Variants in COL19A1 observed in about 807,000 individuals in gnomAD.
COL19A1 encodes collagen alpha-1(XIX) chain.
A neutral mutation model predicts 190.2 loss-of-function variants in COL19A1; 159 were observed. The ratio of observed to expected loss-of-function variants is 0.84; its 90% CI spans 0.73 to 0.95. The LOEUF is 0.95. Among genes scored for constraint, COL19A1 ranks in the 40% least tolerant of loss-of-function variants. The pLI is 0.00. For synonymous variants in COL19A1, 509 were observed against 458.9 expected (o/e 1.11, Z -1.39); for missense variants, 1,418 against 1,431.9 (o/e 0.99, Z 0.16).
Position 70,089,858 on chromosome 6 carries a change from T to A in COL19A1, c.1225-12311T>A, listed in dbSNP as rs185114089. Among the ~76,000 whole-genome samples, 3 of 152,252 alleles carry A rather than the reference T, an allele frequency of 2.0e-5. No individual in the cohort carries two copies. The East Asian group carries it at 5.8e-4, about 29-fold the overall frequency. ...AGTTTATAATGAAGGATGAAATAGA[T>A]CTCACTTCCTTATACTGTATATCTT... is the stretch of plus-strand genomic sequence containing the variant. On this transcript the variant is annotated intron_variant, in intron 15 of 50. Coordinates refer to ENST00000620364, the MANE Select transcript of COL19A1 (RefSeq NM_001858.6).
chr6:70,032,994 C>T (rs1779154412), intron 12 of COL19A1, among the ~76,000 whole-genome samples: 1 of 152,098 alleles, frequency 6.6e-6, no homozygotes, highest in African/African-American at 2.4e-5. Flanking sequence ...TACTGTATCA[C>T]ATCTCAAATA....
intron 40 of COL19A1, among the ~76,000 whole-genome samples, chr6:70,170,698 CT>C (rs555581077): frequency 4.7e-5 from 7 of 149,354 alleles, no homozygotes; most frequent in East Asian, 2.0e-4. Flanking sequence ...AGAATCTGAA[CT>C]TTTTTTTTTG....
chr6:69,896,248 G>T (rs1214252401), intron 2 of COL19A1, among the ~76,000 whole-genome samples: 2 of 152,154 alleles, frequency 1.3e-5, no homozygotes, highest in South Asian at 2.1e-4. Context: ...AGTAAATACT[G>T]CCAAACAGGC....
chr6:69,959,803 C>T (rs1774658881), intron 9 of COL19A1, among the ~76,000 whole-genome samples, 193 bp from the exon 10 acceptor site: 1 of 152,122 alleles, frequency 6.6e-6, no homozygotes, highest in African/African-American at 2.4e-5. Flanking sequence ...CTCCATTTCC[C>T]TATTTTAAAA....
At chr6:70,147,699 A>C (rs1786756616) in intron 27 of COL19A1, among the ~76,000 whole-genome samples, 1 of 152,036 alleles carries the variant, frequency 6.6e-6, no homozygotes, top group Non-Finnish European at 1.5e-5. Flanking sequence ...CATCAACTGA[A>C]TGTTCTATTA....
intron 16 of COL19A1, among the ~76,000 whole-genome samples, chr6:70,107,155 C>T (rs957763399): frequency 1.3e-5 from 2 of 152,158 alleles, no homozygotes; most frequent in African/African-American, 2.4e-5. Flanking sequence ...AGGAACTGAT[C>T]CCTAAACCTT....
intron 11 of COL19A1, among the ~76,000 whole-genome samples, chr6:69,964,907 A>G (rs1480680606): frequency 6.6e-6 from 1 of 152,198 alleles, no homozygotes; most frequent in Non-Finnish European, 1.5e-5. Context: ...TATTTACTGT[A>G]TATTAAATTT....
intron 2 of COL19A1, among the ~76,000 whole-genome samples, chr6:69,889,745 C>T (rs185162767): frequency 6.2e-4 from 95 of 152,330 alleles, no homozygotes; most frequent in African/African-American, 2.1e-3. Context: ...ATTGTAAACA[C>T]ACCAATCAGC....
intron 15 of COL19A1, among the ~76,000 whole-genome samples, chr6:70,070,441 G>T (rs574728718): frequency 1.3e-5 from 2 of 152,094 alleles, no homozygotes; most frequent in East Asian, 3.9e-4. Context: ...AAATGTAATA[G>T]AACTTATAGA....
At chr6:70,089,983 A>T (rs1042090462) in intron 15 of COL19A1, among the ~76,000 whole-genome samples, 1 of 152,092 alleles carries the variant, frequency 6.6e-6, no homozygotes, top group Admixed American at 6.6e-5. Flanking sequence ...AATATTTTTT[A>T]GCCTGGGCAA....
At chr6:70,000,179 C>T (rs1366907631) in intron 11 of COL19A1, among the ~76,000 whole-genome samples, 1 of 152,154 alleles carries the variant, frequency 6.6e-6, no homozygotes, top group Non-Finnish European at 1.5e-5. Context: ...TCATCCATGT[C>T]CCTGCAAAGG....
intron 2 of COL19A1, among the ~76,000 whole-genome samples, chr6:69,884,604 G>A (rs182783354): frequency 1.3e-5 from 2 of 152,192 alleles, no homozygotes; most frequent in Admixed American, 6.5e-5. Flanking sequence ...ATGTATTTAA[G>A]AAGCAATGTT....
rs374027562 is a variant in COL19A1, at chr6:70,161,940, C to T, written c.2333C>T (p.Pro778Leu). The change falls in exon 35 of 51, where the codon CCG becomes CTG. Residue 778 changes from proline (P) to leucine (L), a missense_variant. Pro to Leu is a moderately conservative substitution (Grantham distance 98). Coordinates refer to ENST00000620364, the MANE Select transcript of COL19A1 (RefSeq NM_001858.6). ...GIPGIPGAPG[P>L]TGPPGLMGRT... ...CCAGGCATTCCAGGTGCTCCAGGCC[C>T]GACTGGACCCCCTGTAAGTATTTGT... 35 of 1,604,432 alleles carry T rather than the reference C, an allele frequency of 2.2e-5. No homozygotes were observed. The highest frequency in any genetic ancestry group is 1.7e-4 in the Middle Eastern group (1 of 6,028).
intron 14 of COL19A1, among the ~76,000 whole-genome samples, chr6:70,052,444 G>A (rs1359527819): frequency 1.3e-5 from 2 of 152,172 alleles, no homozygotes; most frequent in Non-Finnish European, 2.9e-5. Context: ...ATTAGCAAAT[G>A]TTGCTCTTTT....
In COL19A1 at chr6:69,998,590, A is replaced by G. The variant is rs532163383; in HGVS notation, c.1027-25037A>G. Reference sequence around the variant, plus strand: ...GAACCGGGAAGTGGACGTTGCAGTAAGCCGAGATCACTCCACTGCACTCTA... The same window carrying G: ...GAACCGGGAAGTGGACGTTGCAGTAGGCCGAGATCACTCCACTGCACTCTA... On this transcript the variant is annotated intron_variant, in intron 11 of 50. Transcript: ENST00000620364. Among the ~76,000 whole-genome samples the G allele has an allele frequency of 2.4e-4, 36 of 150,428 alleles. 1 individual carries two copies. The highest frequency in any genetic ancestry group is 7.9e-4 in the African/African-American group (32 of 40,620).
chr6:70,141,899 C>A lies in COL19A1; in HGVS notation c.1489C>A (p.Pro497Thr). The A allele has an allele frequency of 1.9e-6, 3 of 1,590,102 alleles. No individual in the cohort carries two copies. Among genetic ancestry groups the A allele is most frequent in the South Asian group, 1.1e-5 (1 of 90,546 alleles). The change falls in exon 21 of 51, where the codon CCT becomes ACT. Residue 497 changes from proline to threonine, a missense_variant. Pro to Thr is a conservative substitution (Grantham distance 38). Coordinates refer to ENST00000620364, the MANE Select transcript of COL19A1 (RefSeq NM_001858.6). ...GTAATTATTTTATTTACAGGGAGAA[C>A]CTGGGGTAATAGGATCACAGGGAGT... ...TKGEKGDRGE[P>T]GVIGSQGVKG...
At chr6:70,038,466 C>G (rs1779470237) in intron 14 of COL19A1, among the ~76,000 whole-genome samples, 1 of 152,186 alleles carries the variant, frequency 6.6e-6, no homozygotes, top group Non-Finnish European at 1.5e-5. Context: ...AGTCCAACTT[C>G]CATTTGAAAT....
chr6:70,024,602 TGTGTGTGTGTGTGG>T, intron 12 of COL19A1, among the ~76,000 whole-genome samples: 1 of 150,438 alleles, frequency 6.6e-6, no homozygotes, highest in South Asian at 2.1e-4. Flanking sequence ...TGTGTGTGTG[TGTGTGTGTGTGTGG>T]GTGTGTGGGT....
Position 69,900,315 on chromosome 6 carries a change from T to G in COL19A1, c.243T>G (p.Ser81Arg), listed in dbSNP as rs143814734. The G allele has an allele frequency of 1.2e-4, 186 of 1,585,578 alleles. No individual in the cohort carries two copies. The highest frequency in any genetic ancestry group is 1.6e-4 in the Non-Finnish European group (184 of 1,164,842). The change falls in exon 4 of 51, where the codon AGT becomes AGG. Residue 81 changes from serine to arginine, a missense_variant. Physicochemically the swap from Ser to Arg is moderately radical, Grantham distance 110 (BLOSUM62 -1). Transcript: ENST00000620364. The stretch of plus-strand genomic sequence containing the variant: ...ATAAAACCTGTTTCAAATTGGGAAG[T>G]GCACTTCTTATTAGAGACACTATGT... Reference protein sequence around the residue: ...ESDKTCFKLGSALLIRDTIKI... With the variant: ...ESDKTCFKLGRALLIRDTIKI...
Sources: allele counts gnomAD v4.1 joint callset (sites outside exome capture counted in the v4.1 genomes callset), GRCh38; gene constraint gnomAD v4.1.1; transcripts MANE v1.5; gene names NCBI Gene and HGNC (gene_info 2026-07-23, HGNC 2026-07-21).